The following CNTN4 variants were observed in gnomAD, a reference collection of about 807,000 sequenced individuals.
CNTN4 encodes contactin-4.
CNTN4 carries 77 observed loss-of-function variants against 122.5 expected under a neutral mutation model. The observed-to-expected ratio is 0.63, with a 90% CI of 0.52 to 0.76. The LOEUF (loss-of-function observed/expected upper bound fraction) is 0.76, where lower values mean the gene tolerates loss of function less well. CNTN4 is among the 30% of genes least tolerant of loss of function. CNTN4 has a pLI of 0.00. For missense variants in CNTN4, 1,256 were observed against 1,259.1 expected (o/e 1.00, Z 0.04); for synonymous variants, 512 against 447.0 (o/e 1.15, Z -1.83).
intron 24 of CNTN4, among the ~76,000 whole-genome samples, chr3:3,054,598 T>A (rs890909868): frequency 6.6e-6 from 1 of 152,178 alleles, no homozygotes; most frequent in African/African-American, 2.4e-5. Flanking sequence ...GCATGATTTT[T>A]TTGTTGTTGT....
chr3:2,652,288 CAATTACA>C (rs896781663), intron 4 of CNTN4, among the ~76,000 whole-genome samples: 54 of 152,034 alleles, frequency 3.6e-4, no homozygotes, highest in Non-Finnish European at 1.5e-4. Flanking sequence ...AACCTCATCC[CAATTACA>C]CATTCACTTA....
At chr3:2,723,987 C>A (rs750138288) in intron 4 of CNTN4, among the ~76,000 whole-genome samples, 5 of 152,084 alleles carry the variant, frequency 3.3e-5, no homozygotes, top group Non-Finnish European at 5.9e-5. Flanking sequence ...CCCCAATAAC[C>A]ATTTTTACTT....
chr3:2,870,002 T>A lies in CNTN4; in HGVS notation c.652+3053T>A, dbSNP rs1466683602. ...CTACCCAAATGCACTTAGGCCAGAA[T>A]ATCTGTTCAGTGGTATTATCTGTTT... On this transcript the variant is annotated intron_variant, in intron 8 of 24. Coordinates refer to ENST00000418658, the MANE Select transcript of CNTN4 (RefSeq NM_175607.3). Among the ~76,000 whole-genome samples the A allele has an allele frequency of 2.6e-5, 4 of 152,214 alleles. No individual in the cohort carries two copies. In the East Asian group the frequency reaches 7.7e-4, roughly 29 times the overall value.
At chr3:2,644,968 C>T (rs1339147915) in intron 4 of CNTN4, among the ~76,000 whole-genome samples, 1 of 150,964 alleles carries the variant, frequency 6.6e-6, no homozygotes. Flanking sequence ...AACTCATTTG[C>T]CTAAACTAAG....
intron 4 of CNTN4, among the ~76,000 whole-genome samples, chr3:2,659,174 T>C (rs1356444055): frequency 6.6e-6 from 1 of 151,740 alleles, no homozygotes; most frequent in Non-Finnish European, 1.5e-5. Context: ...TTCTTAAAAA[T>C]AGGAGCAGGC....
intron 2 of CNTN4, among the ~76,000 whole-genome samples, chr3:2,213,323 C>T (rs536173888): frequency 1.3e-5 from 2 of 152,276 alleles, no homozygotes; most frequent in African/African-American, 4.8e-5. Flanking sequence ...TTATTTACCC[C>T]TTGCCTCCCT....
chr3:2,802,674 T>C, intron 6 of CNTN4, among the ~76,000 whole-genome samples: 1 of 152,174 alleles, frequency 6.6e-6, no homozygotes, highest in East Asian at 1.9e-4. Context: ...AACCTAACCC[T>C]GTATTTCCCC....
At chr3:2,805,361 A>G (rs1354465459) in intron 6 of CNTN4, among the ~76,000 whole-genome samples, 2 of 152,204 alleles carry the variant, frequency 1.3e-5, no homozygotes, top group African/African-American at 2.4e-5. Context: ...GCACTAGGAA[A>G]GTTGCAAGGC....
intron 2 of CNTN4, among the ~76,000 whole-genome samples, chr3:2,249,004 A>G (rs936566260): frequency 6.6e-6 from 1 of 151,998 alleles, no homozygotes; most frequent in African/African-American, 2.4e-5. Context: ...TGCTAAAAGC[A>G]AAGTCATCTT....
At chr3:2,504,412 C>T (rs1575789384) in intron 3 of CNTN4, among the ~76,000 whole-genome samples, 1 of 152,144 alleles carries the variant, frequency 6.6e-6, no homozygotes, top group African/African-American at 2.4e-5. Context: ...CCTAGTATTT[C>T]CTCAATGGCA....
chr3:3,050,161 A>C (rs1291895075), intron 23 of CNTN4, among the ~76,000 whole-genome samples: 6 of 152,188 alleles, frequency 3.9e-5, no homozygotes, highest in Non-Finnish European at 2.9e-5. Context: ...GCGAATTTCA[A>C]CATGAGTTTT....
intron 6 of CNTN4, among the ~76,000 whole-genome samples, chr3:2,771,021 C>T (rs1312757102): frequency 6.6e-6 from 1 of 152,116 alleles, no homozygotes; most frequent in East Asian, 1.9e-4. Flanking sequence ...GTCTAGCATC[C>T]CTGAGTGGTC....
In CNTN4 at chr3:2,578,752, G is replaced by T. The variant is rs2079806281; in HGVS notation, c.55+7194G>T. On this transcript the variant is annotated intron_variant, in intron 4 of 24. Coordinates refer to ENST00000418658, the MANE Select transcript of CNTN4 (RefSeq NM_175607.3). ...TCATGCTGACCGAAGCCAAAGCCTG[G>T]GTTTCCTGTTTGCTCTACGCTCTCT... Among the ~76,000 whole-genome samples the T allele has an allele frequency of 2.6e-5, 4 of 151,982 alleles. No individual in the cohort carries two copies. In the South Asian group the frequency reaches 6.2e-4, roughly 24 times the overall value.
intron 2 of CNTN4, among the ~76,000 whole-genome samples, chr3:2,116,873 G>T (rs1167288692): frequency 3.9e-5 from 6 of 152,164 alleles, no homozygotes; most frequent in Non-Finnish European, 5.9e-5. Context: ...GGGGTTGGGG[G>T]TGGGTTCTGT....
chr3:3,037,055 C>A, intron 17 of CNTN4, 124 bp from the exon 18 acceptor site: 1 of 1,131,292 alleles, frequency 8.8e-7, no homozygotes, highest in Non-Finnish European at 1.3e-6. Context: ...AATATCAGAA[C>A]ACCTACACTG....
intron 7 of CNTN4, among the ~76,000 whole-genome samples, chr3:2,859,321 G>A (rs1440610320): frequency 6.6e-6 from 1 of 152,112 alleles, no homozygotes; most frequent in Non-Finnish European, 1.5e-5. Flanking sequence ...TGGACACTTA[G>A]TTGATTCCAT....
intron 23 of CNTN4, among the ~76,000 whole-genome samples, chr3:3,053,001 C>G (rs1203947032): frequency 6.6e-6 from 1 of 152,180 alleles, no homozygotes; most frequent in Non-Finnish European, 1.5e-5. Context: ...TTCCTCTAAG[C>G]TAGGCCATCA....
chr3:2,212,591 C>G (rs2038671206), intron 2 of CNTN4, among the ~76,000 whole-genome samples: 1 of 152,224 alleles, frequency 6.6e-6, no homozygotes, highest in Non-Finnish European at 1.5e-5. Flanking sequence ...GCAGTGATCT[C>G]TACCTGGCCC....
intron 3 of CNTN4, among the ~76,000 whole-genome samples, chr3:2,461,591 C>T (rs7610808): frequency 0.74 from 111,924 of 152,176 alleles, 42,085 homozygotes; most frequent in African/African-American, 0.9. Flanking sequence ...TAGCCAACAT[C>T]TGGGCTGCTC....
Sources: allele counts gnomAD v4.1 joint callset (sites outside exome capture counted in the v4.1 genomes callset), GRCh38; gene constraint gnomAD v4.1.1; transcripts MANE v1.5; gene names NCBI Gene and HGNC (gene_info 2026-07-23, HGNC 2026-07-21).